The following TMCO4 variants were observed in gnomAD, a reference collection of about 807,000 sequenced individuals.
The protein encoded by TMCO4 is transmembrane and coiled-coil domain-containing protein 4.
TMCO4 carries 58 observed loss-of-function variants against 64.7 expected under a neutral mutation model. The ratio of observed to expected loss-of-function variants is 0.90; its 90% CI spans 0.73 to 1.12. TMCO4 has a LOEUF of 1.12. Among genes scored for constraint, TMCO4 ranks in the 50% most tolerant of loss-of-function variants. The pLI, the probability that TMCO4 is intolerant of heterozygous loss-of-function variation, is 0.00. For synonymous variants in TMCO4, 325 were observed against 346.1 expected (o/e 0.94, Z 0.68); for missense variants, 780 against 825.9 (o/e 0.94, Z 0.68).
chr1:19,727,513 G>A (rs1171114092), intron 13 of TMCO4, among the ~76,000 whole-genome samples: 1 of 152,220 alleles, frequency 6.6e-6, no homozygotes, highest in African/African-American at 2.4e-5. Flanking sequence ...CTAGTGCTTA[G>A]CACACAGTAA....
chr1:19,720,104 C>T (rs1349786056), intron 13 of TMCO4, among the ~76,000 whole-genome samples: 2 of 148,100 alleles, frequency 1.4e-5, no homozygotes, highest in Non-Finnish European at 3.0e-5. Flanking sequence ...CTGCCTTGGC[C>T]TCCCAAGGCA....
At chr1:19,694,953 G>C (rs2095225694) in intron 14 of TMCO4, among the ~76,000 whole-genome samples, 1 of 152,246 alleles carries the variant, frequency 6.6e-6, no homozygotes, top group Non-Finnish European at 1.5e-5. Context: ...CTCGGGAAAG[G>C]TGGCTTGTCC....
chr1:19,772,875 G>A (rs564372441), intron 4 of TMCO4, among the ~76,000 whole-genome samples: 63 of 152,188 alleles, frequency 4.1e-4, no homozygotes, highest in Non-Finnish European at 7.6e-4. Context: ...CTTGATGGGA[G>A]TTGTGAGGAA....
In TMCO4 at chr1:19,700,869, G is replaced by A. The variant is rs200574088; in HGVS notation, c.1281C>T (p.Ile427=). The A allele has an allele frequency of 2.7e-5, 43 of 1,614,184 alleles. No homozygotes were observed. The highest frequency in any genetic ancestry group is 1.6e-4 in the Middle Eastern group (1 of 6,062). Residue 427 remains isoleucine, a synonymous_variant, in exon 14 of 16, where the codon ATC becomes ATT. Transcript: ENST00000294543. The stretch of plus-strand genomic sequence containing the variant: ...GCGCACCCAGCAGGATGACGTCCTC[G>A]ATGATTCCTTGGCAATCTGGCAAAA... ...MAQEKDCQGI[I]EDVILLGAPV... is the part of the protein sequence containing the mutation.
intron 13 of TMCO4, among the ~76,000 whole-genome samples, chr1:19,721,317 A>C (rs1329308653): frequency 6.6e-6 from 1 of 152,188 alleles, no homozygotes; most frequent in African/African-American, 2.4e-5. Flanking sequence ...CTCACCACAG[A>C]AACTTCAGCA....
intron 13 of TMCO4, among the ~76,000 whole-genome samples, chr1:19,718,419 G>A (rs373621202): frequency 1.2e-4 from 18 of 151,954 alleles, no homozygotes; most frequent in East Asian, 5.8e-4. Flanking sequence ...TTGGGAGGTC[G>A]AGGTGGGAGG....
At chr1:19,684,050 C>T (rs2095126795) in intron 15 of TMCO4, among the ~76,000 whole-genome samples, 1 of 142,290 alleles carries the variant, frequency 7.0e-6, no homozygotes, top group Non-Finnish European at 1.5e-5. Context: ...GCGTGAGCCA[C>T]TGTGCCCGGC....
intron 13 of TMCO4, among the ~76,000 whole-genome samples, chr1:19,722,475 C>T (rs757330318): frequency 1.3e-5 from 2 of 152,112 alleles, no homozygotes; most frequent in African/African-American, 2.4e-5. Context: ...AGGTGGGTAT[C>T]GTTTGATCTA....
Position 19,780,264 on chromosome 1 carries a change from C to T in TMCO4, c.179+316G>A, listed in dbSNP as rs74058635. Among the ~76,000 whole-genome samples, 636 of 152,294 alleles carry T rather than the reference C, an allele frequency of 4.2e-3. 4 individuals are homozygous for T. The highest frequency in any genetic ancestry group is 0.014 in the African/African-American group (599 of 41,546). ...ACAGATGGGACCATACAGTGTGGAC[C>T]TGGAAGAGCTGTGTCAGTAGCAAAG... On this transcript the variant is annotated intron_variant, in intron 4 of 15. Transcript: ENST00000294543.
chr1:19,700,243 G>T (rs748409100), intron 14 of TMCO4, among the ~76,000 whole-genome samples: 3 of 151,972 alleles, frequency 2.0e-5, no homozygotes, highest in Non-Finnish European at 2.9e-5. Flanking sequence ...CTGGCTGGAG[G>T]GTCTGTCACC....
chr1:19,686,667 G>GT (rs1198853585), intron 15 of TMCO4, among the ~76,000 whole-genome samples: 1 of 152,160 alleles, frequency 6.6e-6, no homozygotes, highest in Non-Finnish European at 1.5e-5. Flanking sequence ...CACAGCCAGT[G>GT]CCCCTCTGCA....
intron 4 of TMCO4, among the ~76,000 whole-genome samples, chr1:19,774,339 C>T (rs1211947799): frequency 6.6e-6 from 1 of 152,184 alleles, no homozygotes; most frequent in African/African-American, 2.4e-5. Context: ...TGGTTCAAAT[C>T]CCAGCTCTAC....
chr1:19,691,079 A>C (rs939884701), intron 15 of TMCO4, among the ~76,000 whole-genome samples: 1 of 152,086 alleles, frequency 6.6e-6, no homozygotes. Context: ...TGTGTTAGCC[A>C]GGATGGTCTC....
In TMCO4 at chr1:19,693,164, C is replaced by CACAAA. The variant is rs746759726; in HGVS notation, c.1500+1269_1500+1270insTTTGT. Among the ~76,000 whole-genome samples, 36 of 19,978 alleles carry CACAAA rather than the reference C, an allele frequency of 1.8e-3. 14 individuals are homozygous for CACAAA. Among genetic ancestry groups the CACAAA allele is most frequent in the South Asian group, 0.012 (4 of 344 alleles). The allele number at this position is 19,978 out of a possible 152,430, so 13.1% of individuals were successfully genotyped here. A position where few individuals can be genotyped will look rare whatever the true frequency, so the allele number is the denominator to read the frequency against. On this transcript the variant is annotated intron_variant, in intron 15 of 15. Transcript: ENST00000294543. ...CTCCAGCCTGAGCGAGACCCCATCT[C>CACAAA]AAAAAAAAAAAAAAAAAAAAAAAAA... is the stretch of plus-strand genomic sequence containing the variant.
chr1:19,724,827 T>C (rs372339505), intron 13 of TMCO4, among the ~76,000 whole-genome samples: 5 of 152,288 alleles, frequency 3.3e-5, no homozygotes, highest in African/African-American at 1.2e-4. Flanking sequence ...AGTGGCACAA[T>C]CTCTGCTCAC....
chr1:19,710,423 C>T (rs867474030), intron 13 of TMCO4, among the ~76,000 whole-genome samples: 5 of 152,050 alleles, frequency 3.3e-5, no homozygotes, highest in Non-Finnish European at 7.4e-5. Flanking sequence ...TCTTAATCCT[C>T]GTCCTCCTCT....
chr1:19,732,914 C>CT lies in TMCO4; in HGVS notation c.1264+4457dup, dbSNP rs1399945169. 1.3e-5 allele frequency among the ~76,000 whole-genome samples: 2 copies of CT among 151,938 alleles called. No homozygotes were observed. Among genetic ancestry groups the CT allele is most frequent in the African/African-American group, 2.4e-5 (1 of 41,360 alleles). On this transcript the variant is annotated intron_variant, in intron 13 of 15. Transcript: ENST00000294543. This position sits in a 1 kb window ranked among gnomAD's most constrained non-coding sequence, Gnocchi z 4.8. ...TCTTCTTTTAAAATGTAGAGGTTTT[C>CT]TTTTTTTCTTTCTTCTCGTTTTTCT...
chr1:19,700,656 T>C (rs1393493889), intron 14 of TMCO4, 112 bp downstream of exon 14: 3 of 1,024,236 alleles, frequency 2.9e-6, no homozygotes, highest in Non-Finnish European at 4.4e-6. Flanking sequence ...GTTCCTGGGA[T>C]CTTCCAGGAC....
At chr1:19,730,269 T>C (rs1041851481) in intron 13 of TMCO4, among the ~76,000 whole-genome samples, 3 of 152,194 alleles carry the variant, frequency 2.0e-5, no homozygotes, top group Non-Finnish European at 4.4e-5. Context: ...TGAGGAAACA[T>C]ACGTTGATAT....
Sources: allele counts gnomAD v4.1 joint callset (sites outside exome capture counted in the v4.1 genomes callset), GRCh38; gene constraint gnomAD v4.1.1; non-coding constraint Gnocchi (gnomAD v3.1); transcripts MANE v1.5; gene names NCBI Gene and HGNC (gene_info 2026-07-23, HGNC 2026-07-21).